The following GRIA4 variants were observed in gnomAD, a reference collection of about 807,000 sequenced individuals.
The protein encoded by GRIA4 is glutamate ionotropic receptor AMPA type subunit 4.
GRIA4 carries 34 observed loss-of-function variants against 104.0 expected under a neutral mutation model. That is an observed-to-expected ratio of 0.33 (90% CI 0.25 to 0.44). The LOEUF is 0.44. Ranked by LOEUF, GRIA4 falls within the 20% of genes least tolerant of loss-of-function variation. The probability of loss-of-function intolerance (pLI) is 1.00; values close to 1 mark genes in which losing one functional copy is unlikely to be tolerated. For missense variants in GRIA4, 750 were observed against 1,096.5 expected (o/e 0.68, Z 4.46); for synonymous variants, 386 against 381.9 (o/e 1.01, Z -0.13).
chr11:105,657,150 C>A (rs984489947), intron 3 of GRIA4, among the ~76,000 whole-genome samples: 26 of 151,890 alleles, frequency 1.7e-4, no homozygotes, highest in African/African-American at 6.3e-4. Flanking sequence ...ATGTGGTAAC[C>A]TTCAGTTCCA....
chr11:105,825,200 A>T (rs1168497273), intron 4 of GRIA4, among the ~76,000 whole-genome samples: 2 of 152,044 alleles, frequency 1.3e-5, no homozygotes, highest in Non-Finnish European at 2.9e-5. Flanking sequence ...GACTATGAGA[A>T]CAGCCTTGAG....
intron 4 of GRIA4, among the ~76,000 whole-genome samples, chr11:105,832,154 G>A (rs533054599): frequency 2.0e-5 from 3 of 152,032 alleles, no homozygotes; most frequent in East Asian, 1.9e-4. Flanking sequence ...GTATGCAACC[G>A]AAAAGTGAGA....
chr11:105,786,117 C>G (rs1353021333), intron 4 of GRIA4, among the ~76,000 whole-genome samples: 1 of 135,658 alleles, frequency 7.4e-6, no homozygotes, highest in South Asian at 2.3e-4. Context: ...TACATTCCAG[C>G]CTGGGCGACA....
chr11:105,633,987 T>G (rs1056604957), intron 3 of GRIA4, among the ~76,000 whole-genome samples: 10 of 152,114 alleles, frequency 6.6e-5, no homozygotes, highest in African/African-American at 2.4e-4. Context: ...TCTTCCTAAG[T>G]CTCAGTTTCC....
intron 4 of GRIA4, among the ~76,000 whole-genome samples, chr11:105,760,938 G>A (rs548399809): frequency 1.4e-4 from 21 of 152,128 alleles, no homozygotes; most frequent in African/African-American, 4.8e-4. Flanking sequence ...TAGCTGCAAG[G>A]TTCTATATAA....
intron 3 of GRIA4, among the ~76,000 whole-genome samples, chr11:105,698,023 T>C (rs1474142619): frequency 6.6e-6 from 1 of 152,174 alleles, no homozygotes; most frequent in Non-Finnish European, 1.5e-5. Context: ...ATTTGAAACA[T>C]GGCCCTTCCT....
At chr11:105,651,520 T>C (rs974474007) in intron 3 of GRIA4, among the ~76,000 whole-genome samples, 16 of 152,178 alleles carry the variant, frequency 1.1e-4, no homozygotes, top group Non-Finnish European at 1.6e-4. Context: ...CTCAGTAATG[T>C]TGCAGATCAC....
chr11:105,633,221 T>G (rs1951083790), intron 3 of GRIA4, among the ~76,000 whole-genome samples: 1 of 152,210 alleles, frequency 6.6e-6, no homozygotes, highest in African/African-American at 2.4e-5. Flanking sequence ...GAAAATGAAC[T>G]TAAATTCAAA....
intron 14 of GRIA4, among the ~76,000 whole-genome samples, chr11:105,964,415 T>C (rs989165063): frequency 6.6e-6 from 1 of 152,202 alleles, no homozygotes; most frequent in South Asian, 2.1e-4. Context: ...CCTGAAATAA[T>C]ATGAACAAAT....
chr11:105,912,123 T>C (rs1206971294), intron 10 of GRIA4: 1 of 1,079,500 alleles, frequency 9.3e-7, no homozygotes, highest in Non-Finnish European at 1.1e-6. Flanking sequence ...AAGAAATAGA[T>C]GTTGACAAAG....
At chr11:105,824,982 C>T (rs1943713437) in intron 4 of GRIA4, among the ~76,000 whole-genome samples, 2 of 152,004 alleles carry the variant, frequency 1.3e-5, no homozygotes, top group African/African-American at 4.8e-5. Flanking sequence ...GGTCTTTTCT[C>T]CATTGTTAGT....
At chr11:105,903,405 G>C (rs944935520) in intron 7 of GRIA4, among the ~76,000 whole-genome samples, 1 of 152,180 alleles carries the variant, frequency 6.6e-6, no homozygotes, top group African/African-American at 2.4e-5. Context: ...AGCAGGAAAA[G>C]ATTAAGAGGC....
At chr11:105,769,335 A>G (rs1250928807) in intron 4 of GRIA4, among the ~76,000 whole-genome samples, 3 of 152,096 alleles carry the variant, frequency 2.0e-5, no homozygotes, top group South Asian at 4.1e-4. Flanking sequence ...GGGAGGCTTC[A>G]GAAAGGGTAA....
At chr11:105,723,196 C>T (rs1053172935) in intron 3 of GRIA4, among the ~76,000 whole-genome samples, 1 of 152,052 alleles carries the variant, frequency 6.6e-6, no homozygotes, top group African/African-American at 2.4e-5. Context: ...AAGTACTTGA[C>T]ATTTAAATGT....
intron 4 of GRIA4, among the ~76,000 whole-genome samples, chr11:105,780,170 T>C (rs1941663108): frequency 6.6e-6 from 1 of 152,160 alleles, no homozygotes; most frequent in African/African-American, 2.4e-5. Flanking sequence ...GAATGTACAC[T>C]TTACTGCCTA....
chr11:105,681,991 G>T (rs1012019985), intron 3 of GRIA4, among the ~76,000 whole-genome samples: 9 of 152,178 alleles, frequency 5.9e-5, no homozygotes, highest in Admixed American at 5.2e-4. Flanking sequence ...GCAGGGCAGA[G>T]ATCACACAAC....
At chr11:105,636,187 G>T (rs1951197380) in intron 3 of GRIA4, among the ~76,000 whole-genome samples, 1 of 152,130 alleles carries the variant, frequency 6.6e-6, no homozygotes. Flanking sequence ...CTTATTAGAT[G>T]ATTTTTCAAA....
At chr11:105,702,885 C>T (rs757123842) in intron 3 of GRIA4, among the ~76,000 whole-genome samples, 2 of 151,354 alleles carry the variant, frequency 1.3e-5, no homozygotes, top group East Asian at 1.9e-4. Flanking sequence ...AGCAGAGATG[C>T]GGTTTCACCA....
chr11:105,862,243 C>T, intron 5 of GRIA4, 35 bp downstream of exon 5: 1 of 1,235,048 alleles, frequency 8.1e-7, no homozygotes, highest in East Asian at 2.4e-5. Flanking sequence ...AACCTAGACC[C>T]TATACAGAAA....
Sources: gnomAD v4.1 joint callset for allele counts (sites outside exome capture counted in the v4.1 genomes callset) on GRCh38, gnomAD v4.1.1 for gene constraint, MANE v1.5 for transcripts, NCBI Gene and HGNC (gene_info 2026-07-23, HGNC 2026-07-21) for gene names.